The following NPAS3 variants were observed in gnomAD, a reference collection of about 807,000 sequenced individuals.
NPAS3 encodes neuronal PAS domain-containing protein 3.
Under a neutral mutation model 73.1 loss-of-function variants are expected in NPAS3, and 14 were observed. The observed-to-expected ratio is 0.19, with a 90% confidence interval of 0.13 to 0.30. The LOEUF is 0.30. Among genes scored for constraint, NPAS3 ranks in the 10% least tolerant of loss-of-function variants. The probability of loss-of-function intolerance (pLI) is 1.00; values close to 1 mark genes in which losing one functional copy is unlikely to be tolerated. For missense variants in NPAS3, 1,096 were observed against 1,250.0 expected (o/e 0.88, Z 1.86); for synonymous variants, 620 against 541.5 (o/e 1.14, Z -2.01).
chr14:33,638,204 C>T (rs2058579046), intron 5 of NPAS3, among the ~76,000 whole-genome samples: 1 of 152,078 alleles, frequency 6.6e-6, no homozygotes, highest in Non-Finnish European at 1.5e-5. Flanking sequence ...TTTTATATTA[C>T]TTATTTTAGG....
chr14:33,107,680 T>A (rs1338105776), intron 2 of NPAS3, among the ~76,000 whole-genome samples: 2 of 152,176 alleles, frequency 1.3e-5, no homozygotes, highest in Non-Finnish European at 2.9e-5. Flanking sequence ...GGGTTGATTT[T>A]ATGTCTTTAA....
intron 5 of NPAS3, among the ~76,000 whole-genome samples, chr14:33,618,037 G>C (rs998377273): frequency 2.0e-5 from 3 of 152,174 alleles, no homozygotes; most frequent in Non-Finnish European, 4.4e-5. Context: ...TGAAGCAAAT[G>C]AAATCCTTGG....
intron 2 of NPAS3, among the ~76,000 whole-genome samples, chr14:33,094,591 G>A (rs1260771789): frequency 6.6e-6 from 1 of 151,540 alleles, no homozygotes; most frequent in African/African-American, 2.4e-5. Flanking sequence ...TCAGCCTCTC[G>A]AGTAGCTGGG....
At chr14:33,671,969 C>G (rs1191467131) in intron 5 of NPAS3, among the ~76,000 whole-genome samples, 2 of 151,984 alleles carry the variant, frequency 1.3e-5, no homozygotes, top group African/African-American at 4.8e-5. Context: ...GAAGACAGGA[C>G]CAATAATTAA....
intron 3 of NPAS3, among the ~76,000 whole-genome samples, chr14:33,340,889 TTG>T (rs1238269058): frequency 1.3e-5 from 2 of 152,224 alleles, no homozygotes; most frequent in African/African-American, 2.4e-5. Flanking sequence ...GTAAAAATTA[TTG>T]TGTCTTTTAG....
chr14:33,278,433 G>A (rs1594581898), intron 3 of NPAS3, among the ~76,000 whole-genome samples: 2 of 151,860 alleles, frequency 1.3e-5, no homozygotes, highest in Admixed American at 1.3e-4. Flanking sequence ...AGAAAATGAT[G>A]AGGACTTTGG....
At chr14:33,222,750 C>A (rs78531115) in intron 3 of NPAS3, among the ~76,000 whole-genome samples, 5,549 of 152,140 alleles carry the variant, frequency 0.036, 133 homozygotes, top group Non-Finnish European at 0.056. Flanking sequence ...TGAATTATAT[C>A]TTGGGATTAC....
intron 3 of NPAS3, among the ~76,000 whole-genome samples, chr14:33,306,786 T>A (rs547616894): frequency 2.3e-4 from 35 of 152,208 alleles, no homozygotes; most frequent in Non-Finnish European, 4.3e-4. Flanking sequence ...TTGTTCATAT[T>A]GAGAAGAGAG....
At chr14:33,679,800 G>C (rs1452686733) in intron 6 of NPAS3, among the ~76,000 whole-genome samples, 1 of 152,178 alleles carries the variant, frequency 6.6e-6, no homozygotes, top group East Asian at 1.9e-4. Flanking sequence ...TCAGCCCTGA[G>C]ATTGTCTTGT....
chr14:33,569,429 G>A (rs753985661), intron 5 of NPAS3, among the ~76,000 whole-genome samples: 5 of 152,026 alleles, frequency 3.3e-5, no homozygotes, highest in Non-Finnish European at 7.4e-5. Context: ...GGTGAACCTA[G>A]GAAGTATGTC....
At chr14:33,198,497 TA>T (rs1213472023) in intron 2 of NPAS3, among the ~76,000 whole-genome samples, 18 of 152,286 alleles carry the variant, frequency 1.2e-4, no homozygotes, top group East Asian at 3.9e-4. Context: ...CTCACCAGAT[TA>T]ACTAGACACA....
intron 3 of NPAS3, among the ~76,000 whole-genome samples, chr14:33,219,474 A>C (rs2139699760): frequency 6.6e-6 from 1 of 152,356 alleles, no homozygotes; most frequent in Admixed American, 6.5e-5. Flanking sequence ...AAATATGTAA[A>C]GTATAAGAAA....
chr14:33,436,120 T>C (rs553080507), intron 4 of NPAS3, among the ~76,000 whole-genome samples: 28 of 152,270 alleles, frequency 1.8e-4, no homozygotes, highest in Non-Finnish European at 3.8e-4. Flanking sequence ...TGAAGTTGAG[T>C]CATCTTAGTC....
chr14:33,259,976 C>A (rs2048913451), intron 3 of NPAS3, among the ~76,000 whole-genome samples: 1 of 151,880 alleles, frequency 6.6e-6, no homozygotes, highest in African/African-American at 2.4e-5. Flanking sequence ...GGGGAGTTGC[C>A]CTGAACAGAC....
intron 1 of NPAS3, among the ~76,000 whole-genome samples, chr14:33,036,276 G>T (rs1566489734): frequency 6.6e-6 from 1 of 152,142 alleles, no homozygotes. Flanking sequence ...CCAGAAGAGG[G>T]AGAGTTGTAT....
At chr14:33,139,101 G>C (rs2043947921) in intron 2 of NPAS3, among the ~76,000 whole-genome samples, 1 of 152,100 alleles carries the variant, frequency 6.6e-6, no homozygotes, top group Non-Finnish European at 1.5e-5. Context: ...TTAAAATTGG[G>C]TGTCTGTCTA....
intron 2 of NPAS3, among the ~76,000 whole-genome samples, chr14:33,111,510 C>T (rs17100154): frequency 0.017 from 2,553 of 152,194 alleles, 74 homozygotes; most frequent in African/African-American, 0.053. Context: ...TTTATATCCC[C>T]AGGAACTCTA....
intron 4 of NPAS3, among the ~76,000 whole-genome samples, chr14:33,479,079 A>G (rs1318427156): frequency 6.6e-6 from 1 of 152,232 alleles, no homozygotes; most frequent in Non-Finnish European, 1.5e-5. Context: ...CATTATGGCA[A>G]TAAAAGGCTA....
At chr14:33,376,394 A>G (rs575813758) in intron 4 of NPAS3, among the ~76,000 whole-genome samples, 1 of 152,322 alleles carries the variant, frequency 6.6e-6, no homozygotes, top group African/African-American at 2.4e-5. Flanking sequence ...TAGCTCATCA[A>G]ACTTTTCTCT....
Sources: allele counts gnomAD v4.1 joint callset (sites outside exome capture counted in the v4.1 genomes callset), GRCh38; gene constraint gnomAD v4.1.1; transcripts MANE v1.5; gene names NCBI Gene and HGNC (gene_info 2026-07-23, HGNC 2026-07-21).